Variants in IL6R observed in about 807,000 individuals in gnomAD.
IL6R encodes interleukin-6 receptor subunit alpha.
A neutral mutation model predicts 48.3 loss-of-function variants in IL6R; 38 were observed. The observed-to-expected ratio is 0.79, with a 90% CI of 0.61 to 1.03. IL6R has a LOEUF of 1.03. Ranked by LOEUF, IL6R falls within the 50% of genes least tolerant of loss-of-function variation. The pLI is 0.00. For synonymous variants in IL6R, 264 were observed against 256.2 expected (o/e 1.03, Z -0.29); for missense variants, 534 against 618.3 (o/e 0.86, Z 1.45).
intron 6 of IL6R, among the ~76,000 whole-genome samples, chr1:154,447,554 C>CATATATATATATAT (rs1553309724): frequency 6.3e-5 from 7 of 110,686 alleles, no homozygotes; most frequent in African/African-American, 4.1e-4. Flanking sequence ...TATACACATA[C>CATATATATATATAT]ACATATATAT....
intron 1 of IL6R, chr1:154,415,214 C>T (rs550564568): frequency 1.5e-6 from 1 of 651,228 alleles, no homozygotes; most frequent in East Asian, 2.8e-5. Context: ...TGTTCACCTC[C>T]ACCCCCATTC....
chr1:154,444,453 C>CACCT (rs757787225), intron 6 of IL6R, among the ~76,000 whole-genome samples: 3 of 152,130 alleles, frequency 2.0e-5, no homozygotes. Context: ...GTGATCCACC[C>CACCT]ACCTCGGCCT....
chr1:154,464,601 C>T (rs1169487245), intron 9 of IL6R, among the ~76,000 whole-genome samples: 2 of 152,188 alleles, frequency 1.3e-5, no homozygotes, highest in African/African-American at 4.8e-5. Context: ...CAATACACAT[C>T]TATTTCCTTG....
intron 9 of IL6R, among the ~76,000 whole-genome samples, chr1:154,461,842 T>C (rs1379343265): frequency 2.0e-5 from 3 of 152,114 alleles, no homozygotes; most frequent in African/African-American, 7.2e-5. Flanking sequence ...GGTTGACTGG[T>C]TGCAGGGTGT....
chr1:154,411,969 A>T (rs1431813192), intron 1 of IL6R, among the ~76,000 whole-genome samples: 1 of 137,622 alleles, frequency 7.3e-6, no homozygotes, highest in Non-Finnish European at 1.5e-5. Flanking sequence ...TTTTTTTGAG[A>T]TGGAGTCTTG....
intron 1 of IL6R, among the ~76,000 whole-genome samples, chr1:154,411,152 G>A (rs576613397): frequency 1.3e-5 from 2 of 152,166 alleles, no homozygotes; most frequent in Admixed American, 6.5e-5. Flanking sequence ...TCTGCCTCCC[G>A]GGTTCAAGCG....
At chr1:154,406,561 ATTTTAGGGTCCCAGTGCTTC>A (rs1276932680) in intron 1 of IL6R, 3 of 152,192 alleles carry the variant, frequency 2.0e-5, no homozygotes. Flanking sequence ...CCAGAGGTTT[ATTTTAGGGTCCCAGTGCTTC>A]TTTGAGGACA....
chr1:154,441,104 C>T (rs548145558), intron 6 of IL6R, among the ~76,000 whole-genome samples: 6 of 152,366 alleles, frequency 3.9e-5, no homozygotes, highest in African/African-American at 1.4e-4. Flanking sequence ...TCCTAGTCTG[C>T]TCTCTCTGAA....
At chr1:154,438,245 T>A (rs770569465) in intron 6 of IL6R, among the ~76,000 whole-genome samples, 2 of 151,822 alleles carry the variant, frequency 1.3e-5, no homozygotes, top group Non-Finnish European at 2.9e-5. Context: ...CTTGAGACAT[T>A]ATCTATCAAC....
intron 6 of IL6R, among the ~76,000 whole-genome samples, chr1:154,442,765 G>A (rs1690010780): frequency 6.6e-6 from 1 of 150,780 alleles, no homozygotes. Context: ...TTGAGTCTGG[G>A]GGAATCACAA....
At chr1:154,443,420 A>G (rs909123971) in intron 6 of IL6R, among the ~76,000 whole-genome samples, 1 of 152,156 alleles carries the variant, frequency 6.6e-6, no homozygotes, top group African/African-American at 2.4e-5. Flanking sequence ...ACTTATCCAT[A>G]TGGCATCCCT....
chr1:154,411,377 A>G (rs1182814809), intron 1 of IL6R, among the ~76,000 whole-genome samples: 1 of 152,114 alleles, frequency 6.6e-6, no homozygotes, highest in Non-Finnish European at 1.5e-5. Context: ...GACAATCAAG[A>G]GAAGATGCTG....
intron 6 of IL6R, among the ~76,000 whole-genome samples, chr1:154,436,770 C>A (rs938764146): frequency 5.9e-5 from 9 of 152,108 alleles, no homozygotes; most frequent in African/African-American, 2.2e-4. Flanking sequence ...AGAAGTTAGC[C>A]GTATTTAATC....
intron 1 of IL6R, among the ~76,000 whole-genome samples, chr1:154,418,586 TG>T (rs1177239381): frequency 6.6e-6 from 1 of 152,220 alleles, no homozygotes; most frequent in Non-Finnish European, 1.5e-5. Flanking sequence ...AGAAGGTTGC[TG>T]GGCCTCCCAT....
intron 6 of IL6R, among the ~76,000 whole-genome samples, chr1:154,437,206 C>G (rs556469883): frequency 6.6e-6 from 1 of 152,120 alleles, no homozygotes; most frequent in African/African-American, 2.4e-5. Context: ...ATGCCATTCT[C>G]CTGCCTCAGC....
chr1:154,405,743 T>C lies in IL6R; in HGVS notation c.85+29T>C. The C allele has an allele frequency of 1.4e-6, 2 of 1,414,444 alleles. No homozygotes were observed. The highest frequency in any genetic ancestry group is 1.4e-5 in the South Asian group (1 of 69,004). 87.6% of individuals were successfully genotyped at this position (1,414,444 alleles called of 1,614,324 possible). On this transcript the variant is annotated intron_variant, in intron 1 of 9. Transcript: ENST00000368485. The surrounding 1 kb of genome is among the most constrained non-coding windows in gnomAD (Gnocchi z 5.2). ...AGGGCTTCGGGCGCACCTGGAGGGC[T>C]GGGGCAGCTAGCGGCTGGGGGAAAC...
intron 1 of IL6R, among the ~76,000 whole-genome samples, chr1:154,408,839 C>T (rs1441680633): frequency 1.3e-5 from 2 of 152,054 alleles, no homozygotes; most frequent in African/African-American, 2.4e-5. Context: ...CCACTAGCCA[C>T]GTGTACCTAT....
intron 9 of IL6R, among the ~76,000 whole-genome samples, chr1:154,458,513 T>C (rs890307633): frequency 6.6e-6 from 1 of 152,204 alleles, no homozygotes; most frequent in Non-Finnish European, 1.5e-5. Flanking sequence ...AACAGACTTT[T>C]CTCATAACCC....
At chr1:154,413,769 CTTTT>C (rs1266706392) in intron 1 of IL6R, among the ~76,000 whole-genome samples, 1 of 111,740 alleles carries the variant, frequency 8.9e-6, no homozygotes, top group Admixed American at 9.0e-5. Context: ...TCATACATGA[CTTTT>C]TTTTTTTTTT....
Sources: allele counts gnomAD v4.1 joint callset (sites outside exome capture counted in the v4.1 genomes callset), GRCh38; gene constraint gnomAD v4.1.1; non-coding constraint Gnocchi (gnomAD v3.1); transcripts MANE v1.5; gene names NCBI Gene and HGNC (gene_info 2026-07-23, HGNC 2026-07-21).